The following IGLL5 variants were observed in gnomAD, a reference collection of about 807,000 sequenced individuals.
IGLL5 encodes the protein immunoglobulin lambda like polypeptide 5.
In IGLL5, 30 loss-of-function variants were observed where a neutral mutation model predicts 20.9. The ratio of observed to expected loss-of-function variants is 1.44; its 90% CI spans 1.07 to 1.95. The LOEUF is 1.95. Among genes scored for constraint, IGLL5 ranks in the 30% most tolerant of loss-of-function variants. The pLI, the probability that IGLL5 is intolerant of heterozygous loss-of-function variation, is 0.00. For synonymous variants in IGLL5, 203 were observed against 117.3 expected (o/e 1.73, Z -4.72); for missense variants, 475 against 270.7 (o/e 1.75, Z -5.30).
chr22:22,895,544 A>G lies in IGLL5; in HGVS notation c.495A>G (p.Lys165=), dbSNP rs535701345. 3 of 1,612,768 alleles carry G rather than the reference A, an allele frequency of 1.9e-6. No homozygotes were observed. In the African/African-American group the frequency reaches 4.0e-5, roughly 22 times the overall value. Reference sequence around the variant, plus strand: ...TCAAGGCGGGAGTGGAGACCACCAAACCCTCCAAACAGAGCAACAACAAGT... The same window carrying G: ...TCAAGGCGGGAGTGGAGACCACCAAGCCCTCCAAACAGAGCAACAACAAGT... ...SPVKAGVETT[K]PSKQSNNKYA... is the part of the protein sequence containing the mutation. Residue 165 remains lysine, a synonymous_variant, in exon 3 of 3, where the codon AAA becomes AAG. Transcript: ENST00000526893.
chr22:22,895,587 C>T lies in IGLL5; in HGVS notation c.538C>T (p.Leu180=). 1 of 1,613,306 alleles carries T rather than the reference C, an allele frequency of 6.2e-7. No homozygotes were observed. Among genetic ancestry groups the T allele is most frequent in the East Asian group, 2.2e-5 (1 of 44,688 alleles). The change falls in exon 3 of 3, where the codon CTG becomes TTG. Residue 180 remains leucine (L), a synonymous_variant. Coordinates refer to ENST00000526893, the MANE Select transcript of IGLL5 (RefSeq NM_001178126.2). ...SNNKYAASSY[L]SLTPEQWKSH... ...CAACAAGTACGCGGCCAGCAGCTAC[C>T]TGAGCCTGACGCCCGAGCAGTGGAA...
chr22:22,895,268 G>T, intron 2 of IGLL5, 107 bp from the exon 3 acceptor site: 1 of 1,016,324 alleles, frequency 9.8e-7, no homozygotes, highest in Non-Finnish European at 1.5e-6. Flanking sequence ...CGGGTGGACC[G>T]GATGGCCACA....
At chr22:22,889,290 T>G (rs536817489) in intron 1 of IGLL5, among the ~76,000 whole-genome samples, 1 of 151,004 alleles carries the variant, frequency 6.6e-6, no homozygotes, top group East Asian at 2.0e-4. Flanking sequence ...GAGCATGAAG[T>G]TGAAGTGAGG....
chr22:22,889,249 G>A (rs1569081977), intron 1 of IGLL5, among the ~76,000 whole-genome samples: 8 of 151,134 alleles, frequency 5.3e-5, no homozygotes, highest in East Asian at 4.1e-4. Context: ...CAGATTCAGA[G>A]CACCCAGGGG....
intron 2 of IGLL5, among the ~76,000 whole-genome samples, chr22:22,894,729 T>A (rs367809371): frequency 6.6e-6 from 1 of 151,252 alleles, no homozygotes; most frequent in South Asian, 2.1e-4. Flanking sequence ...CAGGAACAGC[T>A]GAGGTGAAGG....
intron 1 of IGLL5, among the ~76,000 whole-genome samples, chr22:22,890,871 TA>T (rs1385364196): frequency 1.3e-5 from 2 of 151,202 alleles, no homozygotes; most frequent in Non-Finnish European, 2.9e-5. Flanking sequence ...AATTATTTTT[TA>T]TATTTTTATT....
At chr22:22,894,052 CAGGG>C in intron 2 of IGLL5, among the ~76,000 whole-genome samples, 1 of 151,408 alleles carries the variant, frequency 6.6e-6, no homozygotes, top group South Asian at 2.1e-4. Flanking sequence ...TGGGATTGGG[CAGGG>C]TCAGGGCTCC....
In IGLL5 at chr22:22,888,259, G is replaced by A. The variant is rs745485743; in HGVS notation, c.206G>A (p.Arg69Lys). Residue 69 changes from arginine to lysine, a missense_variant and splice_region_variant, in exon 1 of 3, where the codon AGG becomes AAG. Arg to Lys is a conservative substitution (Grantham distance 26, BLOSUM62 2). Transcript: ENST00000526893. Reference sequence around the variant, plus strand: ...TCCAGCCTGCGGAGCCTGTGGGGCAGGTAAGGGGCAAGAGATTCCAGGGGA... The same window carrying A: ...TCCAGCCTGCGGAGCCTGTGGGGCAAGTAAGGGGCAAGAGATTCCAGGGGA... ...SRSSLRSLWG[R>K]LLLQPSPQRA... 1.7e-5 allele frequency: 26 copies of A among 1,547,260 alleles called. 1 individual carries two copies. The highest frequency in any genetic ancestry group is 7.4e-5 in the East Asian group (3 of 40,606).
chr22:22,888,624 G>C (rs57573504), intron 1 of IGLL5, among the ~76,000 whole-genome samples: 7 of 151,194 alleles, frequency 4.6e-5, no homozygotes, highest in East Asian at 4.1e-4. Context: ...GCCCAGGCCT[G>C]TTCCTCCCCC....
At chr22:22,890,108 T>G (rs563184356) in intron 1 of IGLL5, among the ~76,000 whole-genome samples, 1 of 150,892 alleles carries the variant, frequency 6.6e-6, no homozygotes, top group Non-Finnish European at 1.5e-5. Flanking sequence ...ATTACTCTTT[T>G]TGTAATGAGT....
intron 1 of IGLL5, among the ~76,000 whole-genome samples, chr22:22,888,895 G>A (rs565211556): frequency 2.6e-5 from 4 of 151,416 alleles, no homozygotes; most frequent in South Asian, 2.1e-4. Context: ...GCCCAGGCTG[G>A]TCTCACAGAT....
chr22:22,894,103 G>A (rs571378731), intron 2 of IGLL5, among the ~76,000 whole-genome samples: 1 of 151,518 alleles, frequency 6.6e-6, no homozygotes, highest in Non-Finnish European at 1.5e-5. Flanking sequence ...GTGAGGGACA[G>A]AGGCTGGTTC....
At chr22:22,890,534 A>T (rs550165372) in intron 1 of IGLL5, among the ~76,000 whole-genome samples, 1 of 130,866 alleles carries the variant, frequency 7.6e-6, no homozygotes, top group African/African-American at 2.8e-5. Context: ...TAAATGACAA[A>T]TGATGCTGCA....
At chr22:22,893,644 T>C (rs2067918003) in intron 1 of IGLL5, 56 bp from the exon 2 acceptor site, 3 of 1,127,832 alleles carry the variant, frequency 2.7e-6, no homozygotes, top group Non-Finnish European at 3.9e-6. Context: ...CCCCCCTGCC[T>C]CATGTCTAGG....
intron 1 of IGLL5, among the ~76,000 whole-genome samples, chr22:22,889,720 T>G: frequency 6.6e-6 from 1 of 151,302 alleles, no homozygotes; most frequent in East Asian, 2.0e-4. Context: ...CCTGAGTAGC[T>G]AGGACTACAG....
At chr22:22,888,843 T>C (rs545003351) in intron 1 of IGLL5, among the ~76,000 whole-genome samples, 3 of 151,344 alleles carry the variant, frequency 2.0e-5, no homozygotes, top group Middle Eastern at 3.7e-3. Flanking sequence ...ACGGCCCATG[T>C]TTGGAGCAAT....
In IGLL5 at chr22:22,889,461, A is replaced by G. The variant is rs1601608364; in HGVS notation, c.206+1202A>G. 2.6e-5 allele frequency among the ~76,000 whole-genome samples: 4 copies of G among 151,376 alleles called. 1 individual carries two copies. The highest frequency in any genetic ancestry group is 4.0e-4 in the East Asian group (2 of 4,960). On this transcript the variant is annotated intron_variant, in intron 1 of 2. Transcript: ENST00000526893. ...ATCCTAAGGGTTGGTTGGGGGAATA[A>G]TCAAAGCTGTAACCAAATCTTTATA...
chr22:22,887,992 A>ACCGTCCTCCAGGGAGC lies in IGLL5; in HGVS notation c.-59_-44dup. 1 of 1,329,614 alleles carries ACCGTCCTCCAGGGAGC rather than the reference A, an allele frequency of 7.5e-7. No individual in the cohort carries two copies. The allele number at this position is 1,329,614 out of a possible 1,614,324, so 82.4% of individuals were successfully genotyped here. On this transcript the variant is annotated 5_prime_UTR_variant, in exon 1 of 3. Transcript: ENST00000526893. Reference sequence around the variant, plus strand: ...CCCTGCTGGCGAGAGGGACCAGGGCACCGTCCTCCAGGGAGCCCATGCTGC... The same window carrying ACCGTCCTCCAGGGAGC: ...CCCTGCTGGCGAGAGGGACCAGGGCACCGTCCTCCAGGGAGCCCGTCCTCCAGGGAGCCCATGCTGC...
In IGLL5 at chr22:22,893,842, A is replaced by G. The variant is rs758364004; in HGVS notation, c.325+24A>G. ...AGGTAAGTGGCTCTCAACCTTTCCC[A>G]GCCTGTCTCACCCTCTGCTGTCCCT... On this transcript the variant is annotated intron_variant, in intron 2 of 2. Transcript: ENST00000526893. The G allele has an allele frequency of 4.8e-6, 7 of 1,457,280 alleles. 1 individual carries two copies. Among genetic ancestry groups the G allele is most frequent in the African/African-American group, 4.2e-5 (3 of 71,822 alleles). 90.3% of individuals were successfully genotyped at this position (1,457,280 alleles called of 1,614,324 possible).
Sources: allele counts gnomAD v4.1 joint callset (sites outside exome capture counted in the v4.1 genomes callset), GRCh38; gene constraint gnomAD v4.1.1; transcripts MANE v1.5; gene names NCBI Gene and HGNC (gene_info 2026-07-23, HGNC 2026-07-21).